Variants in ARMH3 observed in about 807,000 individuals in gnomAD.
The protein encoded by ARMH3 is armadillo-like helical domain-containing protein 3.
A neutral mutation model predicts 99.1 loss-of-function variants in ARMH3; 60 were observed. The ratio of observed to expected loss-of-function variants is 0.61; its 90% CI spans 0.49 to 0.75. The LOEUF (loss-of-function observed/expected upper bound fraction) is 0.75. ARMH3 is among the 30% of genes least tolerant of loss of function. ARMH3 has a pLI of 0.00. For synonymous variants in ARMH3, 285 were observed against 292.8 expected (o/e 0.97, Z 0.27); for missense variants, 679 against 843.1 (o/e 0.81, Z 2.41).
chr10:102,019,239 G>A (rs372845388), intron 8 of ARMH3, among the ~76,000 whole-genome samples: 29 of 152,044 alleles, frequency 1.9e-4, no homozygotes, highest in Non-Finnish European at 3.7e-4. Context: ...AGTAGAGATC[G>A]GGTTTTGCCA....
chr10:102,055,813 G>A (rs1241318418), intron 1 of ARMH3, among the ~76,000 whole-genome samples: 1 of 152,202 alleles, frequency 6.6e-6, no homozygotes, highest in Non-Finnish European at 1.5e-5. Flanking sequence ...ATGCGGGAGA[G>A]GGACGTGACC....
At chr10:101,878,103 C>CA (rs1375505842) in intron 24 of ARMH3, among the ~76,000 whole-genome samples, 18 of 151,952 alleles carry the variant, frequency 1.2e-4, no homozygotes, top group Admixed American at 8.5e-4. Context: ...ACTAAAAATA[C>CA]AAAAAATTAG....
chr10:101,859,985 C>T (rs2066824600), intron 24 of ARMH3, among the ~76,000 whole-genome samples: 1 of 152,070 alleles, frequency 6.6e-6, no homozygotes, highest in East Asian at 1.9e-4. Context: ...CAGGTTCAAA[C>T]TCTCCTTACT....
intron 4 of ARMH3, among the ~76,000 whole-genome samples, chr10:102,032,347 T>C (rs1156947567): frequency 1.3e-5 from 2 of 152,232 alleles, no homozygotes; most frequent in Admixed American, 1.3e-4. Flanking sequence ...TTTATGATCA[T>C]GCCACCTAAC....
chr10:101,914,593 C>T (rs547473135), intron 23 of ARMH3, among the ~76,000 whole-genome samples: 2 of 151,126 alleles, frequency 1.3e-5, no homozygotes, highest in South Asian at 2.1e-4. Context: ...GGGCTGGGTG[C>T]GGTGGCTTAT....
chr10:101,964,817 C>CA (rs2135860298), intron 20 of ARMH3, among the ~76,000 whole-genome samples: 1 of 150,160 alleles, frequency 6.7e-6, no homozygotes, highest in East Asian at 2.0e-4. Context: ...CAAGACCAGC[C>CA]TGTAACATGG....
At chr10:101,862,927 G>C (rs1477032490) in intron 24 of ARMH3, among the ~76,000 whole-genome samples, 1 of 152,210 alleles carries the variant, frequency 6.6e-6, no homozygotes, top group Non-Finnish European at 1.5e-5. Flanking sequence ...ACTTAAGCCA[G>C]GCGCGGTGGC....
At chr10:101,886,849 G>C (rs2067559238) in intron 24 of ARMH3, among the ~76,000 whole-genome samples, 1 of 152,142 alleles carries the variant, frequency 6.6e-6, no homozygotes, top group Non-Finnish European at 1.5e-5. Context: ...CTTACTAAAT[G>C]TAACAAATTC....
intron 19 of ARMH3, among the ~76,000 whole-genome samples, chr10:101,978,947 AAAATT>A (rs1846123868): frequency 6.6e-6 from 1 of 151,898 alleles, no homozygotes; most frequent in Non-Finnish European, 1.5e-5. Flanking sequence ...CTCAAAAAAT[AAAATT>A]AAATTAAATT....
At chr10:102,018,825 C>T (rs376859638) in intron 8 of ARMH3, among the ~76,000 whole-genome samples, 1 of 151,986 alleles carries the variant, frequency 6.6e-6, no homozygotes, top group Non-Finnish European at 1.5e-5. Flanking sequence ...GGCATGGTGG[C>T]GCATGCCTGT....
intron 25 of ARMH3, among the ~76,000 whole-genome samples, chr10:101,849,468 A>G (rs2066536528): frequency 6.6e-6 from 1 of 152,186 alleles, no homozygotes; most frequent in South Asian, 2.1e-4. Context: ...AATTACTTTT[A>G]TTAGTTGCCC....
Position 102,026,336 on chromosome 10 carries a change from A to G in ARMH3, c.415-1088T>C, listed in dbSNP as rs187240807. Among the ~76,000 whole-genome samples, 7 of 152,312 alleles carry G rather than the reference A, an allele frequency of 4.6e-5. No individual in the cohort carries two copies. The East Asian group carries it at 1.2e-3, about 25-fold the overall frequency. On this transcript the variant is annotated intron_variant, in intron 5 of 25. Transcript: ENST00000370033. ...TGAATATTGTGCTTTAAAAGAATAT[A>G]CGAAAAAACTCAGACCATGACCCTT...
chr10:101,872,855 G>A (rs1268412633), intron 24 of ARMH3, among the ~76,000 whole-genome samples: 2 of 151,840 alleles, frequency 1.3e-5, no homozygotes, highest in Non-Finnish European at 2.9e-5. Context: ...CTACTCGGGA[G>A]GCTGAGACAG....
At chr10:101,957,877 G>C in intron 20 of ARMH3, 145 bp from the exon 21 acceptor site, 1 of 1,208,042 alleles carries the variant, frequency 8.3e-7, no homozygotes, top group Non-Finnish European at 1.1e-6. Flanking sequence ...AGCAGGTAAG[G>C]TAGGTATATT....
chr10:102,051,652 T>A (rs955883867), intron 1 of ARMH3, among the ~76,000 whole-genome samples: 5 of 152,068 alleles, frequency 3.3e-5, no homozygotes, highest in African/African-American at 1.2e-4. Flanking sequence ...CCCCTCAGAA[T>A]GGGTGTTCAG....
At chr10:102,027,460 G>A (rs568527203) in intron 5 of ARMH3, among the ~76,000 whole-genome samples, 45 of 152,124 alleles carry the variant, frequency 3.0e-4, no homozygotes, top group Non-Finnish European at 5.7e-4. Context: ...ATCACAGCGT[G>A]GGGCCTGTGA....
intron 23 of ARMH3, among the ~76,000 whole-genome samples, chr10:101,923,815 T>C (rs541133181): frequency 6.6e-6 from 1 of 152,336 alleles, no homozygotes; most frequent in East Asian, 1.9e-4. Context: ...ATGAAGGTTG[T>C]CATCCCTGAC....
intron 13 of ARMH3, among the ~76,000 whole-genome samples, chr10:102,007,895 A>G (rs990994385): frequency 8.6e-5 from 13 of 151,438 alleles, no homozygotes; most frequent in Non-Finnish European, 1.9e-4. Flanking sequence ...CCTGTTCCAC[A>G]ACAAACAAAA....
intron 16 of ARMH3, among the ~76,000 whole-genome samples, chr10:101,994,580 A>C (rs1590152419): frequency 6.6e-6 from 1 of 152,292 alleles, no homozygotes; most frequent in Middle Eastern, 3.4e-3. Context: ...TAATTAGTCC[A>C]ACCAAAAGTG....
Sources: allele counts gnomAD v4.1 joint callset (sites outside exome capture counted in the v4.1 genomes callset), GRCh38; gene constraint gnomAD v4.1.1; transcripts MANE v1.5; gene names NCBI Gene and HGNC (gene_info 2026-07-23, HGNC 2026-07-21).